Variants in BIRC6 observed in about 807,000 individuals in gnomAD.
BIRC6 encodes dual E2 ubiquitin-conjugating enzyme/E3 ubiquitin-protein ligase BIRC6.
A neutral mutation model predicts 503.3 loss-of-function variants in BIRC6; 98 were observed. The observed-to-expected ratio is 0.19, with a 90% CI of 0.17 to 0.23. The LOEUF (loss-of-function observed/expected upper bound fraction) is 0.23. Among genes scored for constraint, BIRC6 ranks in the 10% least tolerant of loss-of-function variants. BIRC6 has a pLI of 1.00. For missense variants in BIRC6, 5,360 were observed against 5,806.0 expected (o/e 0.92, Z 2.50); for synonymous variants, 2,240 against 2,078.7 (o/e 1.08, Z -2.11).
At chr2:32,479,760 G>T in intron 37 of BIRC6, 143 bp downstream of exon 37, 1 of 676,826 alleles carries the variant, frequency 1.5e-6, no homozygotes, top group South Asian at 2.6e-5. Context: ...TTATTTTCCT[G>T]GTAAATACAT....
At chr2:32,519,961 A>T (rs1308981311) in intron 57 of BIRC6, among the ~76,000 whole-genome samples, 1 of 152,232 alleles carries the variant, frequency 6.6e-6, no homozygotes, top group Non-Finnish European at 1.5e-5. Context: ...ATTCCACCTC[A>T]CAAGATAGTT....
In BIRC6 at chr2:32,515,111, A is replaced by G. The variant is rs368837492; in HGVS notation, c.10690A>G (p.Met3564Val). 3 of 1,613,818 alleles carry G rather than the reference A, an allele frequency of 1.9e-6. No homozygotes were observed. Among genetic ancestry groups the G allele is most frequent in the African/African-American group, 1.3e-5 (1 of 74,908 alleles). ...PNYFSLLMGW[M>V]GITPPPVQCH... ...CTATTTTTCTTTGCTCATGGGCTGG[A>G]TGGGAATTACCCCTCCTCCAGTGCA... is the stretch of plus-strand genomic sequence containing the variant. The change falls in exon 55 of 74, where the codon ATG becomes GTG. Residue 3564 changes from methionine (M) to valine (V), a missense_variant. This residue lies in a region of BIRC6 where 878 missense variants were observed against 928.9 expected (regional missense o/e 0.95). Transcript: ENST00000421745.
At chr2:32,391,421 G>T (rs1429422718) in intron 4 of BIRC6, among the ~76,000 whole-genome samples, 1 of 152,110 alleles carries the variant, frequency 6.6e-6, no homozygotes, top group African/African-American at 2.4e-5. Context: ...TTCTAAGACT[G>T]ATCCTAAAGA....
At chr2:32,526,423 G>T (rs1208323856) in intron 59 of BIRC6, 1 of 152,124 alleles carries the variant, frequency 6.6e-6, no homozygotes, top group Admixed American at 6.6e-5. Flanking sequence ...AAAGGCCCCA[G>T]ATACCCTTAT....
chr2:32,365,147 G>A (rs2034707907), intron 1 of BIRC6, among the ~76,000 whole-genome samples: 1 of 152,162 alleles, frequency 6.6e-6, no homozygotes, highest in Non-Finnish European at 1.5e-5. Context: ...TATTAAGAAA[G>A]AATAGAATAT....
At chr2:32,484,923 G>C (rs1455035144) in intron 39 of BIRC6, among the ~76,000 whole-genome samples, 2 of 152,144 alleles carry the variant, frequency 1.3e-5, no homozygotes, top group South Asian at 2.1e-4. Flanking sequence ...TTGATGTTCA[G>C]ATTGTCTCAA....
At chr2:32,565,031 A>C (rs2059438276) in intron 65 of BIRC6, 1 of 152,234 alleles carries the variant, frequency 6.6e-6, no homozygotes, top group Non-Finnish European at 1.5e-5. Context: ...CATTTGCTGC[A>C]TACTGTTAGG....
chr2:32,459,103 A>G (rs765809190), intron 23 of BIRC6, among the ~76,000 whole-genome samples: 6 of 152,168 alleles, frequency 3.9e-5, no homozygotes, highest in Non-Finnish European at 8.8e-5. Context: ...TTTTAAAATA[A>G]AACTCACAGT....
intron 33 of BIRC6, 102 bp from the exon 34 acceptor site, chr2:32,476,111 A>G (rs2049733696): frequency 4.8e-6 from 4 of 824,846 alleles, no homozygotes; most frequent in Non-Finnish European, 3.6e-6. Flanking sequence ...TTTCAAGATA[A>G]TGTGCATTCC....
At chr2:32,358,048 G>A (rs1573597505) in intron 1 of BIRC6, among the ~76,000 whole-genome samples, 2 of 138,792 alleles carry the variant, frequency 1.4e-5, no homozygotes, top group Non-Finnish European at 3.2e-5. Flanking sequence ...TGGGGTGGGG[G>A]TGGGGTGGGT....
chr2:32,510,673 C>T (rs367955769), intron 53 of BIRC6, 39 bp downstream of exon 53: 7 of 1,279,728 alleles, frequency 5.5e-6, no homozygotes, highest in African/African-American at 2.9e-5. Context: ...CACACACATG[C>T]ACATAATCAT....
At chr2:32,430,786 A>T in intron 11 of BIRC6, 79 bp from the exon 12 acceptor site, 2 of 1,124,728 alleles carry the variant, frequency 1.8e-6, no homozygotes, top group Non-Finnish European at 1.3e-6. Context: ...CATGAATTAA[A>T]ACTTCACTTC....
In BIRC6 at chr2:32,446,738, G is replaced by GTTTTTTTT. The variant is rs58232090; in HGVS notation, c.4484+1096_4484+1103dup. 1.0e-3 allele frequency among the ~76,000 whole-genome samples: 35 copies of GTTTTTTTT among 34,856 alleles called. 1 individual carries two copies. The highest frequency in any genetic ancestry group is 5.4e-3 in the East Asian group (4 of 738). The allele number at this position is 34,856 out of a possible 152,430, so 22.9% of individuals were successfully genotyped here. ...TCTAGTCAGCATCTCCCTCTGCGCT[G>GTTTTTTTT]TTTTTTTTTTTTTTTTTTTTTTTTT... is the stretch of plus-strand genomic sequence containing the variant. On this transcript the variant is annotated intron_variant, in intron 21 of 73. Coordinates refer to ENST00000421745, the MANE Select transcript of BIRC6 (RefSeq NM_016252.4).
chr2:32,506,693 T>C (rs2053836514), intron 50 of BIRC6, among the ~76,000 whole-genome samples: 1 of 152,232 alleles, frequency 6.6e-6, no homozygotes, highest in South Asian at 2.1e-4. Flanking sequence ...GTGTACTTGA[T>C]TACAAAATTT....
At chr2:32,580,169 G>T (rs1036623839) in intron 66 of BIRC6, among the ~76,000 whole-genome samples, 2 of 152,060 alleles carry the variant, frequency 1.3e-5, no homozygotes, top group African/African-American at 4.8e-5. Context: ...GGCCAGGCTG[G>T]TCACAAACTC....
intron 66 of BIRC6, among the ~76,000 whole-genome samples, chr2:32,582,566 C>T (rs1425856182): frequency 6.6e-6 from 1 of 152,146 alleles, no homozygotes; most frequent in Non-Finnish European, 1.5e-5. Context: ...GAGTTCAAGA[C>T]TAGCCTGGTC....
Position 32,415,075 on chromosome 2 carries a change from G to A in BIRC6, c.1784G>A (p.Ser595Asn). 6.2e-7 allele frequency: 1 copy of A among 1,613,896 alleles called. No homozygotes were observed. The highest frequency in any genetic ancestry group is 8.5e-7 in the Non-Finnish European group (1 of 1,179,852). Residue 595 changes from serine (S) to asparagine (N), a missense_variant, in exon 10 of 74, where the codon AGC becomes AAC. Ser to Asn is a conservative substitution (Grantham distance 46). This residue lies in a region of BIRC6 where 700 missense variants were observed against 739.3 expected (regional missense o/e 0.95). Coordinates refer to ENST00000421745, the MANE Select transcript of BIRC6 (RefSeq NM_016252.4). Reference sequence around the variant, plus strand: ...TCTCACAGGTCACTGGATGGTTTAAGCAGAACTCAGGGTGAAAGTATATCA... The same window carrying A: ...TCTCACAGGTCACTGGATGGTTTAAACAGAACTCAGGGTGAAAGTATATCA... The part of the protein sequence containing the change: ...SNSHRSLDGL[S>N]RTQGESISEQ...
At chr2:32,378,725 G>T (rs956098549) in intron 2 of BIRC6, among the ~76,000 whole-genome samples, 1 of 152,122 alleles carries the variant, frequency 6.6e-6, no homozygotes, top group Non-Finnish European at 1.5e-5. Context: ...CCAAAGTGCT[G>T]GGATTATAGG....
At chr2:32,595,178 A>G (rs764394539) in intron 68 of BIRC6, 34 bp downstream of exon 68, 1 of 1,375,832 alleles carries the variant, frequency 7.3e-7, no homozygotes, top group South Asian at 1.3e-5. Flanking sequence ...TTAAGATCTC[A>G]CTTTCCATTT....
Sources: allele counts gnomAD v4.1 joint callset (sites outside exome capture counted in the v4.1 genomes callset), GRCh38; gene constraint gnomAD v4.1.1; regional missense constraint gnomAD v4.1.1; transcripts MANE v1.5; gene names NCBI Gene and HGNC (gene_info 2026-07-23, HGNC 2026-07-21).